The following UNC13C variants were observed in gnomAD, a reference collection of about 807,000 sequenced individuals.
UNC13C encodes unc-13 homolog C.
In UNC13C, 174 loss-of-function variants were observed where a neutral mutation model predicts 245.4. The ratio of observed to expected loss-of-function variants is 0.71; its 90% CI spans 0.63 to 0.80. The LOEUF is 0.80. Ranked by LOEUF, UNC13C falls within the 30% of genes least tolerant of loss-of-function variation. The pLI is 0.00. For missense variants in UNC13C, 2,829 were observed against 2,602.9 expected (o/e 1.09, Z -1.89); for synonymous variants, 992 against 895.1 (o/e 1.11, Z -1.93).
At chr15:54,384,208 C>T (rs2039787835) in intron 17 of UNC13C, among the ~76,000 whole-genome samples, 1 of 152,064 alleles carries the variant, frequency 6.6e-6, no homozygotes, top group Non-Finnish European at 1.5e-5. Context: ...CAAAGCAACC[C>T]TGAGCATAAA....
intron 2 of UNC13C, among the ~76,000 whole-genome samples, chr15:54,040,126 C>G (rs894771470): frequency 6.6e-6 from 1 of 152,114 alleles, no homozygotes; most frequent in Non-Finnish European, 1.5e-5. Flanking sequence ...TTCTAGTCAC[C>G]TGGATTCACT....
intron 11 of UNC13C, among the ~76,000 whole-genome samples, chr15:54,294,664 G>A (rs1270718508): frequency 6.6e-6 from 1 of 152,026 alleles, no homozygotes; most frequent in African/African-American, 2.4e-5. Flanking sequence ...TAATAACATA[G>A]AATTTTCTGT....
At chr15:54,460,603 A>G (rs1419386656) in intron 19 of UNC13C, among the ~76,000 whole-genome samples, 2 of 152,236 alleles carry the variant, frequency 1.3e-5, no homozygotes, top group Non-Finnish European at 2.9e-5. Flanking sequence ...GTTGGCCAGG[A>G]TAAGTACTTG....
chr15:54,158,319 T>C (rs911465761), intron 4 of UNC13C, among the ~76,000 whole-genome samples: 3 of 152,162 alleles, frequency 2.0e-5, no homozygotes, highest in Non-Finnish European at 2.9e-5. Context: ...TGCAGTGTCA[T>C]TTACTCTTTT....
intron 4 of UNC13C, among the ~76,000 whole-genome samples, chr15:54,176,174 A>C (rs2033606536): frequency 8.0e-6 from 1 of 125,460 alleles, no homozygotes; most frequent in Non-Finnish European, 1.7e-5. Flanking sequence ...TTTTAACCAC[A>C]ATCTTCAAGA....
At chr15:54,540,537 C>G (rs1896198494) in intron 26 of UNC13C, among the ~76,000 whole-genome samples, 1 of 152,020 alleles carries the variant, frequency 6.6e-6, no homozygotes, top group African/African-American at 2.4e-5. Flanking sequence ...CCATTATTTT[C>G]TATTATTTAA....
intron 11 of UNC13C, 88 bp from the exon 12 acceptor site, chr15:54,297,722 TG>T (rs1329032397): frequency 2.1e-6 from 2 of 958,184 alleles, no homozygotes; most frequent in Admixed American, 2.5e-5. Flanking sequence ...GCCGTTTTTT[TG>T]TTTTTTTGTT....
intron 13 of UNC13C, among the ~76,000 whole-genome samples, chr15:54,302,892 T>C (rs535330626): frequency 1.3e-5 from 2 of 152,304 alleles, no homozygotes; most frequent in Non-Finnish European, 2.9e-5. Flanking sequence ...CAAAGTTTAC[T>C]GTTCATAGCC....
intron 30 of UNC13C, among the ~76,000 whole-genome samples, chr15:54,620,221 C>G (rs1464326751): frequency 1.3e-5 from 2 of 152,082 alleles, no homozygotes; most frequent in African/African-American, 4.8e-5. Flanking sequence ...TTTTTAAAGC[C>G]TCTGCCCCTG....
the UNC13C span, among the ~76,000 whole-genome samples, chr15:53,892,724 A>C: frequency 1.2e-3 from 183 of 152,158 alleles, no homozygotes; most frequent in African/African-American, 4.3e-3. Context: ...CAGCTCCATC[A>C]GGTCATTTAT....
At chr15:53,899,049 C>T in the UNC13C span, among the ~76,000 whole-genome samples, 5 of 151,382 alleles carry the variant, frequency 3.3e-5, no homozygotes, top group African/African-American at 1.2e-4. Context: ...CAATGTGTTT[C>T]CATATAGTAA....
chr15:54,236,367 T>C, intron 5 of UNC13C, 63 bp from the exon 6 acceptor site: 2 of 1,331,040 alleles, frequency 1.5e-6, no homozygotes, highest in Non-Finnish European at 2.1e-6. Flanking sequence ...GTTATACTCT[T>C]TTCCTACCTT....
At chr15:54,414,635 G>A (rs542525767) in intron 18 of UNC13C, among the ~76,000 whole-genome samples, 122 of 150,400 alleles carry the variant, frequency 8.1e-4, no homozygotes, top group Non-Finnish European at 1.6e-3. Context: ...TGAAGAGTGA[G>A]ACTCTGTCTC....
chr15:53,941,570 C>A, the UNC13C span, among the ~76,000 whole-genome samples: 1 of 151,918 alleles, frequency 6.6e-6, no homozygotes, highest in East Asian at 1.9e-4. Context: ...TATCCGAGGT[C>A]TACAAGGAAC....
chr15:54,222,870 C>G (rs73409985), intron 4 of UNC13C, among the ~76,000 whole-genome samples: 9,197 of 152,028 alleles, frequency 0.06, 484 homozygotes, highest in African/African-American at 0.13. Flanking sequence ...TTTCATATAC[C>G]TTCTTGCCAT....
chr15:54,171,046 A>G (rs1456687058), intron 4 of UNC13C, among the ~76,000 whole-genome samples: 1 of 152,164 alleles, frequency 6.6e-6, no homozygotes, highest in South Asian at 2.1e-4. Flanking sequence ...TAGTGTGCCA[A>G]TTAATGAGTT....
intron 17 of UNC13C, among the ~76,000 whole-genome samples, chr15:54,363,280 T>C (rs1437051610): frequency 6.6e-6 from 1 of 152,138 alleles, no homozygotes; most frequent in Non-Finnish European, 1.5e-5. Context: ...AGCCAATTTT[T>C]GTATTTTTAT....
At chr15:53,957,728 C>T in the UNC13C span, among the ~76,000 whole-genome samples, 6 of 152,078 alleles carry the variant, frequency 3.9e-5, no homozygotes, top group African/African-American at 9.7e-5. Context: ...TAAATAAGTA[C>T]GGGAAAGAGA....
At chr15:53,875,010 A>G in the UNC13C span, among the ~76,000 whole-genome samples, 1 of 152,024 alleles carries the variant, frequency 6.6e-6, no homozygotes, top group South Asian at 2.1e-4. Flanking sequence ...GGAGAATCGC[A>G]TGAACCCGGG....
Sources: gnomAD v4.1 joint callset for allele counts (sites outside exome capture counted in the v4.1 genomes callset) on GRCh38, gnomAD v4.1.1 for gene constraint, MANE v1.5 for transcripts, NCBI Gene and HGNC (gene_info 2026-07-23, HGNC 2026-07-21) for gene names.